BDP1: variants seen among roughly 807,000 people sequenced by gnomAD.
BDP1 encodes the protein BDP1 general transcription factor IIIB subunit, also known as transcription factor TFIIIB component B'' homolog.
Under a neutral mutation model 266.6 loss-of-function variants are expected in BDP1, and 169 were observed. The ratio of observed to expected loss-of-function variants is 0.63; its 90% confidence interval spans 0.56 to 0.72. BDP1 has a LOEUF of 0.72. Ranked by LOEUF, BDP1 falls within the 30% of genes least tolerant of loss-of-function variation. The pLI, the probability that BDP1 is intolerant of heterozygous loss-of-function variation, is 0.00. For synonymous variants in BDP1, 1,090 were observed against 1,022.4 expected (o/e 1.07, Z -1.26); for missense variants, 3,015 against 3,053.8 (o/e 0.99, Z 0.30).
chr5:71,458,417 AT>A (rs769193301), intron 1 of BDP1, among the ~76,000 whole-genome samples, 161 bp from the exon 2 acceptor site: 12 of 152,078 alleles, frequency 7.9e-5, no homozygotes, highest in African/African-American at 2.9e-4. Context: ...TACTAAACAA[AT>A]TTTTTTGTAA....
At chr5:71,516,811 AT>A (rs1765247938) in intron 21 of BDP1, among the ~76,000 whole-genome samples, 1 of 152,128 alleles carries the variant, frequency 6.6e-6, no homozygotes, top group East Asian at 1.9e-4. Flanking sequence ...AAAAATGTTC[AT>A]TTTAGGTAGT....
chr5:71,574,452 TC>T, the BDP1 span, among the ~76,000 whole-genome samples: 1 of 152,084 alleles, frequency 6.6e-6, no homozygotes, highest in Non-Finnish European at 1.5e-5. Context: ...AGGGATGGGT[TC>T]CCGGAGGCAC....
At chr5:71,562,195 C>CA (rs564127239) in intron 37 of BDP1, 79 bp from the exon 38 acceptor site, 10,383 of 457,974 alleles carry the variant, frequency 0.023, 327 homozygotes, top group African/African-American at 0.064. Context: ...GACTGCGTCT[C>CA]AAAAAAAAAA....
chr5:71,548,922 A>G (rs1032143303), intron 33 of BDP1, among the ~76,000 whole-genome samples, 177 bp downstream of exon 33: 3 of 152,238 alleles, frequency 2.0e-5, no homozygotes, highest in African/African-American at 7.2e-5. Flanking sequence ...TTTCAGAGTC[A>G]TAAATCTTCT....
At chr5:71,472,385 C>T (rs771449754) in intron 7 of BDP1, among the ~76,000 whole-genome samples, 9 of 152,238 alleles carry the variant, frequency 5.9e-5, no homozygotes, top group Admixed American at 5.9e-4. Flanking sequence ...CGCCTGAACC[C>T]GGGAGGTGGA....
intron 27 of BDP1, 34 bp from the exon 28 acceptor site, chr5:71,539,523 T>A (rs754341334): frequency 6.6e-7 from 1 of 1,520,974 alleles, no homozygotes; most frequent in South Asian, 1.1e-5. Flanking sequence ...CCGGATTCAT[T>A]CTTTTTTTTA....
chr5:71,552,866 A>G (rs1742951134), intron 34 of BDP1, among the ~76,000 whole-genome samples: 1 of 151,852 alleles, frequency 6.6e-6, no homozygotes, highest in Non-Finnish European at 1.5e-5. Context: ...TAATATTCAG[A>G]TTTAATTCAA....
In BDP1 at chr5:71,566,732, A is replaced by C. The variant is rs758140152; in HGVS notation, c.*1847A>C. On this transcript the variant is annotated 3_prime_UTR_variant, in exon 39 of 39. Coordinates refer to ENST00000358731, the MANE Select transcript of BDP1 (RefSeq NM_018429.3). The stretch of plus-strand genomic sequence containing the variant: ...TTAGGCCCCAAATTTTCTTACCCTG[A>C]GGTGCTGATATCTGTATGGATGAGT... 2.0e-5 allele frequency: 3 copies of C among 152,198 alleles called. No individual in the cohort carries two copies. Among genetic ancestry groups the C allele is most frequent in the Non-Finnish European group, 2.9e-5 (2 of 68,032 alleles). 9.4% of individuals were successfully genotyped at this position (152,198 alleles called of 1,614,324 possible).
chr5:71,553,350 T>C (rs1317378893), intron 35 of BDP1, 30 bp downstream of exon 35: 1 of 1,526,094 alleles, frequency 6.6e-7, no homozygotes, highest in South Asian at 1.2e-5. Flanking sequence ...CCACTCAATA[T>C]GGCCATTAAG....
chr5:71,536,064 A>G (rs1478234642), intron 26 of BDP1, among the ~76,000 whole-genome samples: 1 of 152,200 alleles, frequency 6.6e-6, no homozygotes, highest in Non-Finnish European at 1.5e-5. Flanking sequence ...TGCCCTGGCT[A>G]GAACCTATAG....
downstream of BDP1, among the ~76,000 whole-genome samples, chr5:71,571,826 C>T (rs1450226791): frequency 3.3e-5 from 5 of 152,108 alleles, no homozygotes; most frequent in Non-Finnish European, 5.9e-5. Context: ...TTCACCATGT[C>T]GGCCAGGTTG....
At chr5:71,468,607 C>CTTTTT (rs11376926) in intron 6 of BDP1, among the ~76,000 whole-genome samples, 1 of 134,808 alleles carries the variant, frequency 7.4e-6, no homozygotes, top group African/African-American at 2.8e-5. Flanking sequence ...ACAATATTTC[C>CTTTTT]TTTTTTTTTT....
chr5:71,549,443 C>G lies in BDP1; in HGVS notation c.6832C>G (p.Gln2278Glu). The change falls in exon 34 of 39, where the codon CAA becomes GAA. Residue 2278 changes from glutamine (Q) to glutamate (E), a missense_variant. Around this residue, in one of 3 missense-constraint regions of BDP1, gnomAD observed 629 missense variants for 632.5 expected, o/e 0.99. Transcript: ENST00000358731. ...AGTGAATCTAGTTGCTAATGTACCT[C>G]AAGATGGAGAAGATGAACAAGCCTT... Reference protein sequence around the residue: ...LTVNLVANVPQDGEDEQAFIL... With the variant: ...LTVNLVANVPEDGEDEQAFIL... The G allele has an allele frequency of 6.2e-7, 1 of 1,613,410 alleles. No individual in the cohort carries two copies.
At position 71,466,172 on chromosome 5, in the gene BDP1, C is replaced by G; in HGVS notation, c.736C>G (p.Pro246Ala). The G allele has an allele frequency of 6.2e-7, 1 of 1,613,820 alleles. No individual in the cohort carries two copies. The highest frequency in any genetic ancestry group is 1.1e-5 in the South Asian group (1 of 91,060). Residue 246 changes from proline (P) to alanine (A), a missense_variant, in exon 5 of 39, where the codon CCT becomes GCT. Pro to Ala is a conservative substitution (Grantham distance 27, BLOSUM62 -1). This residue lies in a region of BDP1 where 2,383 missense variants were observed against 2,404.9 expected (regional missense o/e 0.99). Coordinates refer to ENST00000358731, the MANE Select transcript of BDP1 (RefSeq NM_018429.3). The part of the protein sequence containing the change: ...EETDDGPLLV[P>A]RVKVAEDGSI... ...GACAGATGATGGGCCATTACTGGTTCCTCGAGTAAAAGTGGCAGAAGATGG... is the reference window on the plus strand; with the variant it reads ...GACAGATGATGGGCCATTACTGGTTGCTCGAGTAAAAGTGGCAGAAGATGG...
chr5:71,502,823 G>T lies in BDP1; in HGVS notation c.2241+32G>T, dbSNP rs141145539. On this transcript the variant is annotated intron_variant, in intron 15 of 38. Coordinates refer to ENST00000358731, the MANE Select transcript of BDP1 (RefSeq NM_018429.3). ...ACTCTGATTCCTCCTCACATTTTTG[G>T]TAAGCAAGTACATGAGCCTTAATAT... The T allele has an allele frequency of 1.1e-4, 170 of 1,564,406 alleles. No homozygotes were observed. In the East Asian group the frequency reaches 3.4e-3, roughly 31 times the overall value.
chr5:71,562,361 G>A lies in BDP1; in HGVS notation c.7584G>A (p.Lys2528=), dbSNP rs780217327. 1 of 1,613,770 alleles carries A rather than the reference G, an allele frequency of 6.2e-7. No individual in the cohort carries two copies. Among genetic ancestry groups the A allele is most frequent in the Non-Finnish European group, 8.5e-7 (1 of 1,179,776 alleles). Residue 2528 remains lysine, a synonymous_variant, in exon 38 of 39, where the codon AAG becomes AAA. Coordinates refer to ENST00000358731, the MANE Select transcript of BDP1 (RefSeq NM_018429.3). ...ATGAACCTATGCAAGTCCATAGTAA[G>A]AAACGCCTAAAACCTCTTATACCTG... ...ESDEPMQVHS[K]KRLKPLIPGL...
the BDP1 span, among the ~76,000 whole-genome samples, chr5:71,574,200 A>C: frequency 0.44 from 67,115 of 151,698 alleles, 15,197 homozygotes; most frequent in South Asian, 0.55. Context: ...GAAAAACTGG[A>C]CATTTAAAAA....
chr5:71,538,753 A>T (rs926955306), intron 26 of BDP1, among the ~76,000 whole-genome samples: 2 of 152,230 alleles, frequency 1.3e-5, no homozygotes, highest in East Asian at 3.8e-4. Flanking sequence ...TATGAAAATG[A>T]AGAAGTAAAG....
chr5:71,539,435 A>T, intron 27 of BDP1, 122 bp from the exon 28 acceptor site: 2 of 682,436 alleles, frequency 2.9e-6, no homozygotes, highest in Non-Finnish European at 4.9e-6. Flanking sequence ...GTAAGGGATT[A>T]ATGGCTCAGA....
Sources: allele counts gnomAD v4.1 joint callset (sites outside exome capture counted in the v4.1 genomes callset), GRCh38; gene constraint gnomAD v4.1.1; regional missense constraint gnomAD v4.1.1; transcripts MANE v1.5; gene names NCBI Gene and HGNC (gene_info 2026-07-23, HGNC 2026-07-21).